The following SPNS1 variants were observed in gnomAD, a reference collection of about 807,000 sequenced individuals.
SPNS1 encodes protein spinster homolog 1.
In SPNS1, 22 loss-of-function variants were observed where a neutral mutation model predicts 50.3. The observed-to-expected ratio is 0.44, with a 90% CI of 0.31 to 0.62. SPNS1 has a LOEUF of 0.62. SPNS1 is among the 20% of genes least tolerant of loss of function. The probability of loss-of-function intolerance (pLI) is 0.07; values close to 1 mark genes in which losing one functional copy is unlikely to be tolerated. For synonymous variants in SPNS1, 295 were observed against 317.4 expected, an observed-to-expected ratio of 0.93 and a Z score of 0.75; for missense variants, 576 against 728.6, an observed-to-expected ratio of 0.79 and a Z score of 2.41.
At chr16:28,975,645 A>G in intron 2 of SPNS1, 88 bp downstream of exon 2, 1 of 1,469,554 alleles carries the variant, frequency 6.8e-7, no homozygotes, top group Admixed American at 1.8e-5. Flanking sequence ...CTAGGGGCTC[A>G]TTAATGGAGG....
chr16:28,981,793 G>C lies in SPNS1; in HGVS notation c.810-108G>C. On this transcript the variant is annotated intron_variant, in intron 6 of 11. Coordinates refer to ENST00000311008, the MANE Select transcript of SPNS1 (RefSeq NM_032038.3). This position sits in a 1 kb window ranked among gnomAD's most constrained non-coding sequence, Gnocchi z 4.2. ...GATCCTGGGAGCCAGAACCACCTCTGCACGGTGTTGTGACCTTACTAAAAT... is the reference window on the plus strand; with the variant it reads ...GATCCTGGGAGCCAGAACCACCTCTCCACGGTGTTGTGACCTTACTAAAAT... The C allele has an allele frequency of 6.6e-7, 1 of 1,524,142 alleles. No individual in the cohort carries two copies. The highest frequency in any genetic ancestry group is 1.2e-5 in the South Asian group (1 of 83,822). 94.4% of individuals were successfully genotyped at this position (1,524,142 alleles called of 1,614,324 possible). A position where few individuals can be genotyped will look rare whatever the true frequency, so the allele number is the denominator to read the frequency against.
intron 5 of SPNS1, chr16:28,980,050 G>C (rs1264967056): frequency 2.0e-5 from 3 of 152,942 alleles, no homozygotes; most frequent in African/African-American, 7.3e-5. Context: ...ATTTTGCCAG[G>C]CATGATGGCT....
Position 28,982,012 on chromosome 16 carries a change from G to C in SPNS1, c.921G>C (p.Glu307Asp), listed in dbSNP as rs568812884. The stretch of plus-strand genomic sequence containing the variant: ...TGCGTTCCCGCGTGGTCCTTGGGGA[G>C]ACCCCACCCTGCCTTCCCGGAGACT... ...FLLRSRVVLG[E>D]TPPCLPGDSC... is the part of the protein sequence containing the mutation. Residue 307 changes from glutamate to aspartate, a missense_variant, in exon 7 of 12, where the codon GAG becomes GAC. Physicochemically the swap from Glu to Asp is conservative, Grantham distance 45. Coordinates refer to ENST00000311008, the MANE Select transcript of SPNS1 (RefSeq NM_032038.3). 6 of 1,614,200 alleles carry C rather than the reference G, an allele frequency of 3.7e-6. No individual in the cohort carries two copies. Among genetic ancestry groups the C allele is most frequent in the African/African-American group, 1.3e-5 (1 of 75,056 alleles).
At chr16:28,982,112 G>T in intron 7 of SPNS1, 56 bp downstream of exon 7, 1 of 1,583,050 alleles carries the variant, frequency 6.3e-7, no homozygotes, top group South Asian at 1.1e-5. Context: ...GGAGTGAAGA[G>T]CATCTGTGGC....
At chr16:28,976,990 A>G (rs2141663924) in intron 2 of SPNS1, among the ~76,000 whole-genome samples, 1 of 152,316 alleles carries the variant, frequency 6.6e-6, no homozygotes, top group South Asian at 2.1e-4. Context: ...CGCTAAACTA[A>G]AGTGGGACAG....
chr16:28,983,705 T>A lies in SPNS1; in HGVS notation c.1321-81T>A. 1.4e-6 allele frequency: 2 copies of A among 1,444,678 alleles called. No homozygotes were observed. The highest frequency in any genetic ancestry group is 9.2e-7 in the Non-Finnish European group (1 of 1,084,288). The allele number at this position is 1,444,678 out of a possible 1,614,324, so 89.5% of individuals were successfully genotyped here. On this transcript the variant is annotated intron_variant, in intron 10 of 11. Coordinates refer to ENST00000311008, the MANE Select transcript of SPNS1 (RefSeq NM_032038.3). The surrounding 1 kb of genome is among the most constrained non-coding windows in gnomAD (Gnocchi z 5.4). ...CTTTCCTGGGCTCCACTTGTCTTTC[T>A]CCCTGGAGCTCAGGGGCGTGCCCTC...
rs1458047996 is a variant in SPNS1, at chr16:28,974,837, A to G, written c.-315A>G. 2 of 1,535,664 alleles carry G rather than the reference A, an allele frequency of 1.3e-6. No homozygotes were observed. Among genetic ancestry groups the G allele is most frequent in the Non-Finnish European group, 1.7e-6 (2 of 1,146,568 alleles). On this transcript the variant is annotated 5_prime_UTR_variant, in exon 1 of 12. Transcript: ENST00000311008. ...TGGTGCAGCGCCCGGGCTGAGCGAC[A>G]GCAAGTGCAGCGGGCTCCTACCCCG...
chr16:28,979,042 TA>T, intron 3 of SPNS1, 112 bp from the exon 4 acceptor site: 1 of 1,362,406 alleles, frequency 7.3e-7, no homozygotes, highest in Non-Finnish European at 9.9e-7. Context: ...TGTGTGATTC[TA>T]AAACCCAGGC....
rs745697231 is a variant in SPNS1 at position 28,983,934 on chromosome 16, G to A, written c.1469G>A (p.Arg490Gln). 7 of 1,592,544 alleles carry A rather than the reference G, an allele frequency of 4.4e-6. No homozygotes were observed. Among genetic ancestry groups the A allele is most frequent in the Non-Finnish European group, 4.3e-6 (5 of 1,175,564 alleles). The change falls in exon 11 of 12, where the codon CGG becomes CAG. Residue 490 changes from arginine to glutamine, a missense_variant. Around this residue, in one of 3 missense-constraint regions of SPNS1, gnomAD observed 428 missense variants for 520.1 expected, o/e 0.82. Transcript: ENST00000311008. This position sits in a 1 kb window ranked among gnomAD's most constrained non-coding sequence, Gnocchi z 5.4. ...GTAIFIEADR[R>Q]RAQLHVQGLL... The stretch of plus-strand genomic sequence containing the variant: ...GCCATCTTCATTGAGGCCGACCGCC[G>A]GCGGGCACAGCTGCACGTGCAGGGT...
At chr16:28,977,812 A>G in intron 2 of SPNS1, 96 bp from the exon 3 acceptor site, 1 of 1,492,478 alleles carries the variant, frequency 6.7e-7, no homozygotes, top group Non-Finnish European at 9.1e-7. Context: ...CTGTAAGGAG[A>G]AGGCAGGCAT....
intron 2 of SPNS1, among the ~76,000 whole-genome samples, chr16:28,977,085 C>T (rs781570690): frequency 5.3e-5 from 8 of 151,964 alleles, no homozygotes; most frequent in Non-Finnish European, 8.8e-5. Context: ...TTTGGGAGGC[C>T]GAGGCGGGTG....
intron 11 of SPNS1, 63 bp downstream of exon 11, chr16:28,984,020 G>T: frequency 6.6e-7 from 1 of 1,509,022 alleles, no homozygotes; most frequent in Non-Finnish European, 8.8e-7. Context: ...CCATCTGTCT[G>T]CCCACTCCTG....
chr16:28,979,521 C>T (rs1596749174), intron 5 of SPNS1, 50 bp downstream of exon 5: 1 of 1,591,042 alleles, frequency 6.3e-7, no homozygotes, highest in Non-Finnish European at 8.6e-7. Flanking sequence ...CTCACTGATC[C>T]CTGTTTCCTA....
chr16:28,983,892 C>G lies in SPNS1; in HGVS notation c.1427C>G (p.Ala476Gly). The change falls in exon 11 of 12, where the codon GCA becomes GGA. Residue 476 changes from alanine (A) to glycine (G), a missense_variant. Physicochemically the swap from Ala to Gly is moderately conservative, Grantham distance 60 (BLOSUM62 0). Around this residue, in one of 3 missense-constraint regions of SPNS1, gnomAD observed 428 missense variants for 520.1 expected, o/e 0.82. Transcript: ENST00000311008. This position sits in a 1 kb window ranked among gnomAD's most constrained non-coding sequence, Gnocchi z 5.4. Reference sequence around the variant, plus strand: ...GCGTTTGTTGGGGCACTGGGCGGCGCAGCCTTCCTGGGCACCGCCATCTTC... The same window carrying G: ...GCGTTTGTTGGGGCACTGGGCGGCGGAGCCTTCCTGGGCACCGCCATCTTC... The part of the protein sequence containing the change: ...LCAFVGALGG[A>G]AFLGTAIFIE... 6.2e-7 allele frequency: 1 copy of G among 1,601,462 alleles called. No individual in the cohort carries two copies. Among genetic ancestry groups the G allele is most frequent in the Non-Finnish European group, 8.5e-7 (1 of 1,179,126 alleles).
rs1267287022 is a variant in SPNS1, at chr16:28,983,882, C to G, written c.1417C>G (p.Leu473Val). 6.2e-7 allele frequency: 1 copy of G among 1,602,318 alleles called. No individual in the cohort carries two copies. Among genetic ancestry groups the G allele is most frequent in the Non-Finnish European group, 8.5e-7 (1 of 1,179,244 alleles). ...CATGCTCTGCGCGTTTGTTGGGGCA[C>G]TGGGCGGCGCAGCCTTCCTGGGCAC... ...SLMLCAFVGA[L>V]GGAAFLGTAI... is the part of the protein sequence containing the mutation. Residue 473 changes from leucine to valine, a missense_variant, in exon 11 of 12, where the codon CTG becomes GTG. By Grantham distance (32) the Leu-to-Val change is conservative. Coordinates refer to ENST00000311008, the MANE Select transcript of SPNS1 (RefSeq NM_032038.3). This position sits in a 1 kb window ranked among gnomAD's most constrained non-coding sequence, Gnocchi z 5.4.
In SPNS1 at chr16:28,977,977, A is replaced by G. The variant is rs1965401831; in HGVS notation, c.377A>G (p.Tyr126Cys). The part of the protein sequence containing the change: ...GYLGDRYNRK[Y>C]LMCGGIAFWS... ...CTGGGTGACAGGTACAATCGGAAGT[A>G]TCTCATGTGCGGGGGCATTGCCTTC... Residue 126 changes from tyrosine (Y) to cysteine (C), a missense_variant, in exon 3 of 12, where the codon TAT becomes TGT. Coordinates refer to ENST00000311008, the MANE Select transcript of SPNS1 (RefSeq NM_032038.3). The G allele has an allele frequency of 9.9e-6, 16 of 1,613,880 alleles. No homozygotes were observed. The highest frequency in any genetic ancestry group is 1.4e-5 in the Non-Finnish European group (16 of 1,179,896).
chr16:28,980,445 T>C (rs1567524075), intron 5 of SPNS1: 2 of 152,086 alleles, frequency 1.3e-5, no homozygotes, highest in African/African-American at 2.4e-5. Context: ...TACCCCTTTT[T>C]TGGGGCAGCT....
chr16:28,981,778 G>T lies in SPNS1; in HGVS notation c.810-123G>T. Reference sequence around the variant, plus strand: ...TGAATTACAGGCCCAGATCCTGGGAGCCAGAACCACCTCTGCACGGTGTTG... The same window carrying T: ...TGAATTACAGGCCCAGATCCTGGGATCCAGAACCACCTCTGCACGGTGTTG... On this transcript the variant is annotated intron_variant, in intron 6 of 11. Coordinates refer to ENST00000311008, the MANE Select transcript of SPNS1 (RefSeq NM_032038.3). The surrounding 1 kb of genome is among the most constrained non-coding windows in gnomAD (Gnocchi z 4.2). 1 of 1,497,242 alleles carries T rather than the reference G, an allele frequency of 6.7e-7. No individual in the cohort carries two copies. Among genetic ancestry groups the T allele is most frequent in the Non-Finnish European group, 9.1e-7 (1 of 1,101,324 alleles). The allele number at this position is 1,497,242 out of a possible 1,614,324, so 92.7% of individuals were successfully genotyped here.
At position 28,981,710 on chromosome 16, in the gene SPNS1, A is replaced by G; in HGVS notation, c.809+95A>G. 1 of 1,548,938 alleles carries G rather than the reference A, an allele frequency of 6.5e-7. No individual in the cohort carries two copies. On this transcript the variant is annotated intron_variant, in intron 6 of 11. Coordinates refer to ENST00000311008, the MANE Select transcript of SPNS1 (RefSeq NM_032038.3). This position sits in a 1 kb window ranked among gnomAD's most constrained non-coding sequence, Gnocchi z 4.2. ...TGTTCCTGTTCCTGGCCACACCCCAAGGCCAGTAATTCGGTCGATACTGTC... is the reference window on the plus strand; with the variant it reads ...TGTTCCTGTTCCTGGCCACACCCCAGGGCCAGTAATTCGGTCGATACTGTC...
Sources: gnomAD v4.1 joint callset for allele counts (sites outside exome capture counted in the v4.1 genomes callset) on GRCh38, gnomAD v4.1.1 for gene constraint, gnomAD v4.1.1 regional missense constraint, Gnocchi (gnomAD v3.1) non-coding constraint, MANE v1.5 for transcripts, NCBI Gene and HGNC (gene_info 2026-07-23, HGNC 2026-07-21) for gene names.